Variants in KAZN observed in about 807,000 individuals in gnomAD.
The protein encoded by KAZN is kazrin.
A neutral mutation model predicts 87.4 loss-of-function variants in KAZN; 40 were observed. That is an observed-to-expected ratio of 0.46 (90% CI 0.36 to 0.60). The LOEUF (loss-of-function observed/expected upper bound fraction) is 0.60, where lower values mean the gene tolerates loss of function less well. KAZN is among the 20% of genes least tolerant of loss of function. KAZN has a pLI of 0.00. For missense variants in KAZN, 898 were observed against 1,073.9 expected (o/e 0.84, Z 2.29); for synonymous variants, 466 against 458.3 (o/e 1.02, Z -0.22).
rs1641000427 is a variant in KAZN, at chr1:14,687,111, T to C, written c.226+87888T>C. Among the ~76,000 whole-genome samples, 3 of 152,188 alleles carry C rather than the reference T, an allele frequency of 2.0e-5. No individual in the cohort carries two copies. The South Asian group carries it at 6.2e-4, about 32-fold the overall frequency. ...ATGAAAAATTGACCAACTTATACTA[T>C]GGTTACCAGCATTCAAGGTACCCTC... On this transcript the variant is annotated intron_variant, in intron 1 of 14. Coordinates refer to ENST00000376030, the MANE Select transcript of KAZN (RefSeq NM_201628.3).
intron 2 of KAZN, among the ~76,000 whole-genome samples, chr1:14,364,627 A>G (rs1338755232): frequency 6.6e-6 from 1 of 152,222 alleles, no homozygotes; most frequent in Non-Finnish European, 1.5e-5. Context: ...TAAGGGATAT[A>G]TATTTATTTC....
chr1:14,573,116 T>G (rs1674969538), intron 2 of KAZN, among the ~76,000 whole-genome samples: 1 of 151,616 alleles, frequency 6.6e-6, no homozygotes, highest in Non-Finnish European at 1.5e-5. Flanking sequence ...ACACTTCTGA[T>G]TCATTAAGTT....
chr1:14,452,336 G>C (rs1667324306), intron 2 of KAZN, among the ~76,000 whole-genome samples: 1 of 152,156 alleles, frequency 6.6e-6, no homozygotes, highest in African/African-American at 2.4e-5. Flanking sequence ...TTTTCTGTTT[G>C]AAATCCTTAC....
intron 1 of KAZN, among the ~76,000 whole-genome samples, chr1:14,840,937 AAGAG>A (rs757954704): frequency 2.6e-5 from 4 of 151,688 alleles, no homozygotes; most frequent in Admixed American, 2.0e-4. Flanking sequence ...ATGATGAAGA[AAGAG>A]AGAGAGATAA....
At chr1:14,986,156 G>GA (rs113220498) in intron 2 of KAZN, among the ~76,000 whole-genome samples, 4,292 of 152,170 alleles carry the variant, frequency 0.028, 202 homozygotes, top group African/African-American at 0.096. Flanking sequence ...AAAAAGCCAT[G>GA]AAAACCATTA....
intron 2 of KAZN, among the ~76,000 whole-genome samples, chr1:14,992,007 C>A (rs779447928): frequency 3.0e-4 from 46 of 152,174 alleles, no homozygotes; most frequent in Admixed American, 1.0e-3. Context: ...CCAGAATACA[C>A]CTCTCTTTGC....
intron 1 of KAZN, among the ~76,000 whole-genome samples, chr1:14,911,462 G>A (rs553588112): frequency 2.6e-5 from 4 of 152,334 alleles, no homozygotes; most frequent in South Asian, 2.1e-4. Context: ...GCAGGGAAAC[G>A]CTGGCTCCAC....
At chr1:14,035,721 C>T (rs754020953) in intron 1 of KAZN, among the ~76,000 whole-genome samples, 14 of 151,712 alleles carry the variant, frequency 9.2e-5, no homozygotes, top group South Asian at 2.1e-4. Flanking sequence ...GTGATCTGCC[C>T]GCCTCGGCCT....
intron 1 of KAZN, among the ~76,000 whole-genome samples, chr1:13,971,449 A>G (rs1642133061): frequency 6.6e-6 from 1 of 152,130 alleles, no homozygotes; most frequent in Non-Finnish European, 1.5e-5. Flanking sequence ...TCAATCTACC[A>G]CATTTCATGG....
intron 1 of KAZN, among the ~76,000 whole-genome samples, chr1:14,691,487 TTTTG>T (rs1441364662): frequency 5.9e-5 from 9 of 152,296 alleles, no homozygotes; most frequent in South Asian, 2.1e-4. Flanking sequence ...CTTCATCTTT[TTTTG>T]TTTGTTTGTT....
chr1:14,677,972 G>T (rs1487658307), intron 1 of KAZN, among the ~76,000 whole-genome samples: 1 of 152,198 alleles, frequency 6.6e-6, no homozygotes, highest in Non-Finnish European at 1.5e-5. Flanking sequence ...GCCCTGAGCT[G>T]CTCCTCATGC....
At chr1:14,700,669 C>T (rs999681134) in intron 1 of KAZN, among the ~76,000 whole-genome samples, 1 of 152,056 alleles carries the variant, frequency 6.6e-6, no homozygotes, top group East Asian at 1.9e-4. Context: ...GGAAGTTGAG[C>T]ATGTATGCCT....
chr1:15,016,606 A>AT (rs1180313929), intron 2 of KAZN, among the ~76,000 whole-genome samples: 1 of 152,158 alleles, frequency 6.6e-6, no homozygotes, highest in Non-Finnish European at 1.5e-5. Context: ...ATTTGTTTTA[A>AT]GCCCTCAGAT....
At chr1:14,463,439 C>T (rs1667956753) in intron 2 of KAZN, among the ~76,000 whole-genome samples, 2 of 152,204 alleles carry the variant, frequency 1.3e-5, no homozygotes, top group South Asian at 4.1e-4. Context: ...CAAGTTTCCT[C>T]AACCAGCCCA....
In KAZN at chr1:14,161,695, T is replaced by C. The variant is rs371599346; in HGVS notation, c.92-18740T>C. 1.3e-3 allele frequency among the ~76,000 whole-genome samples: 199 copies of C among 152,314 alleles called. 1 individual carries two copies. Among genetic ancestry groups the C allele is most frequent in the Middle Eastern group, 6.8e-3 (2 of 294 alleles). ...TGTGAATACCAGGAGGTGAGAATCA[T>C]TGGGTTCTATTTTGGAATCTAGCTA... On this transcript the variant is annotated intron_variant, in intron 1 of 16. Coordinates refer to the KAZN transcript ENST00000636203.
intron 1 of KAZN, among the ~76,000 whole-genome samples, chr1:13,943,453 T>A (rs111989819): frequency 0.031 from 4,649 of 151,620 alleles, 215 homozygotes; most frequent in African/African-American, 0.11. Flanking sequence ...TTAAAAAAAA[T>A]TTTTTAAAAA....
intron 1 of KAZN, among the ~76,000 whole-genome samples, chr1:14,810,063 C>T (rs1443356292): frequency 6.6e-6 from 1 of 151,988 alleles, no homozygotes; most frequent in East Asian, 1.9e-4. Context: ...CCTACTAGAC[C>T]CCACTAGCCA....
chr1:14,929,477 T>C (rs1659551965), intron 1 of KAZN, among the ~76,000 whole-genome samples: 2 of 152,154 alleles, frequency 1.3e-5, no homozygotes, highest in South Asian at 4.1e-4. Flanking sequence ...ATTTTTTAAA[T>C]CATCTCAAGA....
chr1:14,458,607 G>A (rs1557735014), intron 2 of KAZN, among the ~76,000 whole-genome samples: 1 of 152,190 alleles, frequency 6.6e-6, no homozygotes, highest in African/African-American at 2.4e-5. Flanking sequence ...GTCTGCTGCT[G>A]TAAAGGTGCT....
Sources: gnomAD v4.1 joint callset for allele counts (sites outside exome capture counted in the v4.1 genomes callset) on GRCh38, gnomAD v4.1.1 for gene constraint, MANE v1.5 for transcripts, NCBI Gene and HGNC (gene_info 2026-07-23, HGNC 2026-07-21) for gene names.